RGS3: variants seen among roughly 807,000 people sequenced by gnomAD.
RGS3 encodes the protein regulator of G-protein signalling 3.
A neutral mutation model predicts 132.6 loss-of-function variants in RGS3; 80 were observed. The observed-to-expected ratio is 0.60, with a 90% CI of 0.50 to 0.73. The LOEUF (loss-of-function observed/expected upper bound fraction) is 0.73, where lower values mean the gene tolerates loss of function less well. Among genes scored for constraint, RGS3 ranks in the 30% least tolerant of loss-of-function variants. The pLI, the probability that RGS3 is intolerant of heterozygous loss-of-function variation, is 0.00. For missense variants in RGS3, 1,382 were observed against 1,530.8 expected, an observed-to-expected ratio of 0.90 and a Z score of 1.62; for synonymous variants, 598 against 620.6, an observed-to-expected ratio of 0.96 and a Z score of 0.54.
At chr9:113,532,333 C>T (rs1248036803) in intron 18 of RGS3, among the ~76,000 whole-genome samples, 1 of 152,096 alleles carries the variant, frequency 6.6e-6, no homozygotes, top group Non-Finnish European at 1.5e-5. Flanking sequence ...GGAATTCAGC[C>T]TCCCTGGAGG....
In RGS3 at chr9:113,507,618, C is replaced by T. The variant is rs1290174241; in HGVS notation, c.1417C>T (p.Pro473Ser). Reference sequence around the variant, plus strand: ...CGACCCCAACTACATCATCCTGGCCCCGCTGAATCCTGGGAGCCAGGTACG... The same window carrying T: ...CGACCCCAACTACATCATCCTGGCCTCGCTGAATCCTGGGAGCCAGGTACG... Residue 473 changes from proline (P) to serine (S), a missense_variant, in exon 13 of 25, where the codon CCG becomes TCG. By Grantham distance (74) the Pro-to-Ser change is moderately conservative (BLOSUM62 -1). Coordinates refer to ENST00000350696, the Ensembl canonical transcript of RGS3. This position sits in a 1 kb window ranked among gnomAD's most constrained non-coding sequence, Gnocchi z 5.0. 5 of 1,475,090 alleles carry T rather than the reference C, an allele frequency of 3.4e-6. No individual in the cohort carries two copies. Among genetic ancestry groups the T allele is most frequent in the Non-Finnish European group, 4.5e-6 (5 of 1,108,868 alleles). 91.4% of individuals were successfully genotyped at this position (1,475,090 alleles called of 1,614,324 possible).
chr9:113,556,827 T>C (rs1833587120), intron 19 of RGS3, among the ~76,000 whole-genome samples: 1 of 152,182 alleles, frequency 6.6e-6, no homozygotes, highest in African/African-American at 2.4e-5. Context: ...CCAGTGAATT[T>C]AGAGTTGGGA....
chr9:113,525,097 C>T (rs62577772), intron 17 of RGS3, among the ~76,000 whole-genome samples: 42 of 152,114 alleles, frequency 2.8e-4, no homozygotes, highest in Non-Finnish European at 4.9e-4. Flanking sequence ...CCACCATGGA[C>T]GGAAGAGCCC....
At position 113,565,211 on chromosome 9, in the gene RGS3, C is replaced by T; in HGVS notation, c.2038-18239C>T. On this transcript the variant is annotated intron_variant, in intron 19 of 24. Transcript: ENST00000350696. This position sits in a 1 kb window ranked among gnomAD's most constrained non-coding sequence, Gnocchi z 5.7. ...CCAGCTGGGCCCCTCGCGGGGTGGG[C>T]AGAAGGACGGGCTGGCCCAGGACCC... 7.9e-7 allele frequency: 1 copy of T among 1,259,530 alleles called. No individual in the cohort carries two copies. Among genetic ancestry groups the T allele is most frequent in the Non-Finnish European group, 1.0e-6 (1 of 972,796 alleles). The allele number at this position is 1,259,530 out of a possible 1,614,324, so 78.0% of individuals were successfully genotyped here.
intron 6 of RGS3, among the ~76,000 whole-genome samples, chr9:113,485,054 T>C (rs1021808983): frequency 9.2e-5 from 14 of 151,764 alleles, no homozygotes; most frequent in African/African-American, 3.4e-4. Flanking sequence ...TTTGCATGTG[T>C]GTGTGTATAT....
intron 3 of RGS3, among the ~76,000 whole-genome samples, chr9:113,478,091 C>CT (rs1830049608): frequency 6.6e-6 from 1 of 152,078 alleles, no homozygotes; most frequent in African/African-American, 2.4e-5. Flanking sequence ...CCTGTTTTTT[C>CT]TTTTTTTAAA....
At chr9:113,553,787 G>C (rs775213119) in intron 19 of RGS3, among the ~76,000 whole-genome samples, 1 of 151,994 alleles carries the variant, frequency 6.6e-6, no homozygotes, top group Non-Finnish European at 1.5e-5. Context: ...AGGTTGCAAT[G>C]AGCCGAGATT....
At chr9:113,518,571 G>A (rs1831789917) in intron 16 of RGS3, among the ~76,000 whole-genome samples, 1 of 152,168 alleles carries the variant, frequency 6.6e-6, no homozygotes, top group Non-Finnish European at 1.5e-5. Context: ...TGAAGCAGGA[G>A]GTTGGTTTGT....
intron 24 of RGS3, among the ~76,000 whole-genome samples, chr9:113,596,151 A>T (rs941660584): frequency 6.6e-6 from 1 of 152,238 alleles, no homozygotes; most frequent in Non-Finnish European, 1.5e-5. Flanking sequence ...CCTGGCCAAC[A>T]GGGCGAAACC....
rs1487331585 is a variant in RGS3, at chr9:113,507,962, A to G, written c.1437+324A>G. On this transcript the variant is annotated intron_variant, in intron 13 of 24. Transcript: ENST00000350696. This position sits in a 1 kb window ranked among gnomAD's most constrained non-coding sequence, Gnocchi z 5.0. ...CCTTGGTAGGTGGTGAGCCCCCATC[A>G]TAGGAGGTATGAAAGCAGACACTGC... is the stretch of plus-strand genomic sequence containing the variant. Among the ~76,000 whole-genome samples, 4 of 152,168 alleles carry G rather than the reference A, an allele frequency of 2.6e-5. No individual in the cohort carries two copies. Among genetic ancestry groups the G allele is most frequent in the Non-Finnish European group, 5.9e-5 (4 of 68,028 alleles).
chr9:113,460,773 A>G (rs1039637352), intron 1 of RGS3, among the ~76,000 whole-genome samples: 11 of 152,146 alleles, frequency 7.2e-5, no homozygotes, highest in African/African-American at 2.7e-4. Context: ...ATTGGGCTAG[A>G]TGATATCTTA....
chr9:113,570,563 A>G (rs1405840109), intron 19 of RGS3, among the ~76,000 whole-genome samples: 3 of 152,200 alleles, frequency 2.0e-5, no homozygotes, highest in Non-Finnish European at 4.4e-5. Flanking sequence ...ACCCCCATCC[A>G]GGTCAAGAAA....
At chr9:113,493,175 G>T (rs140133032) in intron 7 of RGS3, among the ~76,000 whole-genome samples, 247 of 152,314 alleles carry the variant, frequency 1.6e-3, no homozygotes, top group African/African-American at 5.7e-3. Context: ...GATTAGTTTT[G>T]GCTGTTTATG....
chr9:113,518,535 T>C (rs1831787627), intron 16 of RGS3, among the ~76,000 whole-genome samples: 1 of 152,186 alleles, frequency 6.6e-6, no homozygotes, highest in African/African-American at 2.4e-5. Flanking sequence ...ACCTCAGCCT[T>C]CTGGGACACT....
chr9:113,499,214 G>C (rs1209464651), intron 10 of RGS3, among the ~76,000 whole-genome samples: 4 of 132,290 alleles, frequency 3.0e-5, no homozygotes, highest in Non-Finnish European at 6.2e-5. Context: ...GCAAGAGAAC[G>C]AGATTCCATC....
chr9:113,587,712 G>T (rs1272773118), intron 20 of RGS3, among the ~76,000 whole-genome samples: 1 of 152,198 alleles, frequency 6.6e-6, no homozygotes, highest in Non-Finnish European at 1.5e-5. Flanking sequence ...AATTTCTACT[G>T]TGAGTAGGAA....
At chr9:113,581,087 T>A (rs539343412) in intron 19 of RGS3, 1 of 733,412 alleles carries the variant, frequency 1.4e-6, no homozygotes, top group South Asian at 6.1e-5. Context: ...CCCAGGGAGC[T>A]GGCTGCAGGG....
chr9:113,536,689 T>A, intron 18 of RGS3, 107 bp from the exon 17 acceptor site: 1 of 1,524,884 alleles, frequency 6.6e-7, no homozygotes, highest in Non-Finnish European at 8.8e-7. Context: ...ACTCCCCTCC[T>A]GGCTGCAGCC....
intron 16 of RGS3, among the ~76,000 whole-genome samples, chr9:113,518,243 C>T (rs1184176817): frequency 6.6e-6 from 1 of 152,222 alleles, no homozygotes; most frequent in Non-Finnish European, 1.5e-5. Flanking sequence ...AGTTGGAGCC[C>T]TGGGCTCTGC....
Sources: gnomAD v4.1 joint callset for allele counts (sites outside exome capture counted in the v4.1 genomes callset) on GRCh38, gnomAD v4.1.1 for gene constraint, Gnocchi (gnomAD v3.1) non-coding constraint, MANE v1.5 for transcripts, NCBI Gene and HGNC (gene_info 2026-07-23, HGNC 2026-07-21) for gene names.